MAP2K4: variants seen among roughly 807,000 people sequenced by gnomAD.
MAP2K4 encodes the protein mitogen-activated protein kinase kinase 4, also known as dual specificity mitogen-activated protein kinase kinase 4.
MAP2K4 carries 4 observed loss-of-function variants against 48.5 expected under a neutral mutation model. That is an observed-to-expected ratio of 0.08 (90% confidence interval 0.04 to 0.19). MAP2K4 has a LOEUF of 0.19. Ranked by LOEUF, MAP2K4 falls within the 10% of genes least tolerant of loss-of-function variation. The probability of loss-of-function intolerance (pLI) is 1.00; values close to 1 mark genes in which losing one functional copy is unlikely to be tolerated. For synonymous variants in MAP2K4, 166 were observed against 173.1 expected (o/e 0.96, Z 0.32); for missense variants, 258 against 493.3 (o/e 0.52, Z 4.52).
Position 12,110,406 on chromosome 17 carries a change from A to G in MAP2K4, c.665A>G (p.Asn222Ser), listed in dbSNP as rs1354928111. ...TVKALNHLKE[N>S]LKIIHRDIKP... ...AAAGCACTAAACCACTTAAAAGAAA[A>G]CTTGAAAATTATTCACAGAGGTGGG... The change falls in exon 6 of 11, where the codon AAC (asparagine) becomes AGC (serine). Residue 222 changes from asparagine (N) to serine (S), a missense_variant. Transcript: ENST00000353533. 1.9e-6 allele frequency: 3 copies of G among 1,611,058 alleles called. No homozygotes were observed. The highest frequency in any genetic ancestry group is 1.1e-5 in the South Asian group (1 of 90,842).
chr17:12,037,024 C>CT (rs372746222), intron 1 of MAP2K4, among the ~76,000 whole-genome samples: 98 of 152,050 alleles, frequency 6.4e-4, no homozygotes, highest in African/African-American at 2.1e-3. Context: ...GCGTTAAAAA[C>CT]TTTGTGCTTT....
At chr17:12,059,568 G>C (rs1019113283) in intron 2 of MAP2K4, among the ~76,000 whole-genome samples, 1 of 152,148 alleles carries the variant, frequency 6.6e-6, no homozygotes, top group Admixed American at 6.5e-5. Context: ...GAAATAAATA[G>C]TGGTGGATGC....
At chr17:12,068,907 A>G (rs1298943900) in intron 2 of MAP2K4, among the ~76,000 whole-genome samples, 2 of 152,168 alleles carry the variant, frequency 1.3e-5, no homozygotes, top group Non-Finnish European at 2.9e-5. Context: ...TTGCTGCCAT[A>G]TAGATGAAAG....
At chr17:12,053,982 C>T (rs529922109) in intron 1 of MAP2K4, among the ~76,000 whole-genome samples, 1 of 152,188 alleles carries the variant, frequency 6.6e-6, no homozygotes, top group Admixed American at 6.5e-5. Flanking sequence ...CCAAGATATG[C>T]TGCAAATGCT....
At chr17:12,032,363 T>C (rs1460184234) in intron 1 of MAP2K4, 2 of 767,958 alleles carry the variant, frequency 2.6e-6, no homozygotes, top group Non-Finnish European at 1.9e-6. Flanking sequence ...GTATTGGGAA[T>C]GTGTCCACTA....
intron 3 of MAP2K4, among the ~76,000 whole-genome samples, chr17:12,093,357 A>G (rs1480895081): frequency 6.6e-6 from 1 of 152,206 alleles, no homozygotes; most frequent in Admixed American, 6.5e-5. Context: ...AGTGTTAGGT[A>G]TCAGTAAGAT....
chr17:12,052,889 G>C (rs1374444412), intron 1 of MAP2K4, among the ~76,000 whole-genome samples: 1 of 151,860 alleles, frequency 6.6e-6, no homozygotes, highest in Non-Finnish European at 1.5e-5. Flanking sequence ...CTGTTTTCTG[G>C]GCCCCAAATA....
At chr17:12,039,751 G>GCACA (rs1969716790) in intron 1 of MAP2K4, among the ~76,000 whole-genome samples, 2 of 152,160 alleles carry the variant, frequency 1.3e-5, no homozygotes, top group Admixed American at 1.3e-4. Flanking sequence ...CAAGGTATGT[G>GCACA]CACACATTGT....
intron 1 of MAP2K4, among the ~76,000 whole-genome samples, chr17:12,040,540 G>T (rs1026084290): frequency 6.6e-6 from 1 of 152,148 alleles, no homozygotes; most frequent in Non-Finnish European, 1.5e-5. Context: ...GTAATAAGAC[G>T]TTCTCTGGTG....
intron 2 of MAP2K4, among the ~76,000 whole-genome samples, chr17:12,072,412 A>G (rs1487270461): frequency 6.6e-6 from 1 of 152,218 alleles, no homozygotes; most frequent in Non-Finnish European, 1.5e-5. Flanking sequence ...GTCTGTGACC[A>G]TGTATATTCT....
intron 9 of MAP2K4, among the ~76,000 whole-genome samples, chr17:12,131,234 C>CTTTTTTTTTT (rs11307653): frequency 3.1e-5 from 4 of 130,938 alleles, no homozygotes; most frequent in Non-Finnish European, 6.5e-5. Context: ...GGTCACATTT[C>CTTTTTTTTTT]TTTTTTTTTT....
intron 1 of MAP2K4, chr17:12,032,397 C>T (rs1286011941): frequency 1.1e-5 from 5 of 468,086 alleles, no homozygotes; most frequent in Non-Finnish European, 1.4e-5. Context: ...CCAGCCATGG[C>T]AATTTTACAT....
intron 8 of MAP2K4, among the ~76,000 whole-genome samples, chr17:12,126,523 C>T: frequency 6.6e-6 from 1 of 152,172 alleles, no homozygotes; most frequent in East Asian, 1.9e-4. Context: ...CATAAACAGC[C>T]ATCTTCTTGT....
intron 4 of MAP2K4, among the ~76,000 whole-genome samples, chr17:12,105,980 T>A (rs1261967163): frequency 6.6e-6 from 1 of 152,164 alleles, no homozygotes; most frequent in Non-Finnish European, 1.5e-5. Flanking sequence ...GTTAACTCAT[T>A]TGCCCTTTAT....
chr17:12,056,835 A>C (rs1001275265), intron 2 of MAP2K4, among the ~76,000 whole-genome samples: 1 of 152,152 alleles, frequency 6.6e-6, no homozygotes, highest in Non-Finnish European at 1.5e-5. Context: ...GTTTAGGATG[A>C]GTACTTGCAA....
At chr17:12,092,521 A>G (rs1036440451) in intron 3 of MAP2K4, among the ~76,000 whole-genome samples, 1 of 152,210 alleles carries the variant, frequency 6.6e-6, no homozygotes, top group African/African-American at 2.4e-5. Flanking sequence ...TTAGTCTCTT[A>G]AGTATTCTCT....
chr17:12,127,859 T>C (rs1250482653), intron 8 of MAP2K4, among the ~76,000 whole-genome samples: 1 of 152,344 alleles, frequency 6.6e-6, no homozygotes, highest in South Asian at 2.1e-4. Flanking sequence ...TGTGTGTAAT[T>C]AGAAACAACA....
At chr17:12,027,486 C>A (rs111719991) in intron 1 of MAP2K4, among the ~76,000 whole-genome samples, 149 of 150,826 alleles carry the variant, frequency 9.9e-4, no homozygotes, top group Non-Finnish European at 1.9e-3. Flanking sequence ...TCTGAACATA[C>A]ACACACACAC....
chr17:12,124,435 C>T (rs1442938605), intron 7 of MAP2K4: 3 of 152,086 alleles, frequency 2.0e-5, no homozygotes, highest in African/African-American at 7.2e-5. Context: ...AATTTGGCTA[C>T]AAATGACTAA....
Sources: gnomAD v4.1 joint callset for allele counts (sites outside exome capture counted in the v4.1 genomes callset) on GRCh38, gnomAD v4.1.1 for gene constraint, MANE v1.5 for transcripts, NCBI Gene and HGNC (gene_info 2026-07-23, HGNC 2026-07-21) for gene names.